The following MBNL1 variants were observed in gnomAD, a reference collection of about 807,000 sequenced individuals.
The protein encoded by MBNL1 is muscleblind like splicing regulator 1.
In MBNL1, 8 loss-of-function variants were observed where a neutral mutation model predicts 42.2. The ratio of observed to expected loss-of-function variants is 0.19; its 90% confidence interval spans 0.11 to 0.34. The LOEUF (loss-of-function observed/expected upper bound fraction) is 0.34. Among genes scored for constraint, MBNL1 ranks in the 10% least tolerant of loss-of-function variants. The pLI is 1.00. For synonymous variants in MBNL1, 169 were observed against 173.9 expected (o/e 0.97, Z 0.22); for missense variants, 309 against 495.3 (o/e 0.62, Z 3.57).
chr3:152,429,722 A>G (rs937805200), intron 3 of MBNL1, among the ~76,000 whole-genome samples: 4 of 152,154 alleles, frequency 2.6e-5, no homozygotes, highest in Admixed American at 6.5e-5. Flanking sequence ...CGCTCCTTGA[A>G]AAAACAATAT....
chr3:152,383,283 A>T (rs190305793), intron 2 of MBNL1, among the ~76,000 whole-genome samples: 12 of 152,222 alleles, frequency 7.9e-5, no homozygotes, highest in Admixed American at 7.2e-4. Flanking sequence ...CACCAAACCC[A>T]TGAGGAGTCT....
At chr3:152,457,374 T>C (rs1368024422) in intron 8 of MBNL1, among the ~76,000 whole-genome samples, 1 of 152,124 alleles carries the variant, frequency 6.6e-6, no homozygotes, top group African/African-American at 2.4e-5. Flanking sequence ...CAGATGAAAA[T>C]GAACATGTTC....
chr3:152,349,728 A>G (rs1201158772), intron 2 of MBNL1, among the ~76,000 whole-genome samples: 1 of 151,690 alleles, frequency 6.6e-6, no homozygotes, highest in Admixed American at 6.6e-5. Context: ...GCTTTCAAAA[A>G]AGTATTAAAA....
upstream of MBNL1, chr3:152,266,773 C>T (rs2037300118): frequency 6.6e-6 from 1 of 152,200 alleles, no homozygotes; most frequent in Admixed American, 6.5e-5. Flanking sequence ...TCTCCCAAGG[C>T]TCCTCCCTTC....
At chr3:152,343,216 G>A (rs1401990165) in intron 2 of MBNL1, among the ~76,000 whole-genome samples, 1 of 152,112 alleles carries the variant, frequency 6.6e-6, no homozygotes, top group African/African-American at 2.4e-5. Context: ...ACCAGATGGT[G>A]GAAATAACCC....
At position 152,302,854 on chromosome 3, in the gene MBNL1, G is replaced by A. The variant is rs954390599; in HGVS notation, c.174+2487G>A. Among the ~76,000 whole-genome samples the A allele has an allele frequency of 2.0e-5, 3 of 152,078 alleles. No individual in the cohort carries two copies. The South Asian group carries it at 6.2e-4, about 31-fold the overall frequency. On this transcript the variant is annotated intron_variant, in intron 2 of 9. Coordinates refer to ENST00000324210, the MANE Select transcript of MBNL1 (RefSeq NM_021038.5). ...TTGAGCCATGAGATGGAGGTGGCCT[G>A]TGTAATCTACTATTTTTAGAAAGTT...
chr3:152,362,413 A>G (rs2096043381), intron 2 of MBNL1, among the ~76,000 whole-genome samples: 1 of 152,194 alleles, frequency 6.6e-6, no homozygotes, highest in Non-Finnish European at 1.5e-5. Context: ...TTAGTTTAAC[A>G]CTTTGTTTTA....
At chr3:152,428,638 A>G (rs954932312) in intron 3 of MBNL1, among the ~76,000 whole-genome samples, 11 of 152,224 alleles carry the variant, frequency 7.2e-5, no homozygotes, top group East Asian at 3.8e-4. Context: ...AAATGTACCT[A>G]TATCTGTAGA....
intron 3 of MBNL1, among the ~76,000 whole-genome samples, chr3:152,419,636 CAAA>C (rs1580060876): frequency 1.3e-5 from 2 of 152,178 alleles, no homozygotes; most frequent in East Asian, 3.9e-4. Flanking sequence ...CTTTCAGGCA[CAAA>C]ACTGGGCGGC....
chr3:152,380,959 TA>T (rs2097155768), intron 2 of MBNL1, among the ~76,000 whole-genome samples: 1 of 152,068 alleles, frequency 6.6e-6, no homozygotes, highest in Non-Finnish European at 1.5e-5. Context: ...TATACCTTAA[TA>T]TTTGAGAAAC....
chr3:152,280,592 C>T (rs1485151122), intron 1 of MBNL1, among the ~76,000 whole-genome samples: 3 of 152,106 alleles, frequency 2.0e-5, no homozygotes, highest in East Asian at 1.9e-4. Context: ...CTCAGGTTAA[C>T]GTTTATGTTA....
chr3:152,347,950 A>G (rs1553219), intron 2 of MBNL1, among the ~76,000 whole-genome samples: 25,171 of 152,106 alleles, frequency 0.17, 2,287 homozygotes, highest in East Asian at 0.26. Context: ...AAAATTGAAA[A>G]TGTAATTATT....
chr3:152,365,258 A>G (rs1355861446), intron 2 of MBNL1, among the ~76,000 whole-genome samples: 1 of 149,364 alleles, frequency 6.7e-6, no homozygotes, highest in African/African-American at 2.4e-5. Context: ...GGCCTAAACA[A>G]TTTTCTGATT....
At position 152,450,331 on chromosome 3, in the gene MBNL1, T is replaced by C. The variant is rs527642653; in HGVS notation, c.961+2558T>C. 7.2e-5 allele frequency among the ~76,000 whole-genome samples: 11 copies of C among 152,298 alleles called. No individual in the cohort carries two copies. The East Asian group carries it at 2.1e-3, about 29-fold the overall frequency. On this transcript the variant is annotated intron_variant, in intron 6 of 9. Transcript: ENST00000324210. ...TGATTATTTTAAAATATTTTCATTA[T>C]ATAATATATACCTGCATTCACAAAA...
chr3:152,319,721 G>T (rs984321196), intron 2 of MBNL1, among the ~76,000 whole-genome samples: 3 of 141,268 alleles, frequency 2.1e-5, no homozygotes, highest in African/African-American at 7.8e-5. Flanking sequence ...TGACATGGAA[G>T]ACAATTAAAA....
chr3:152,292,957 T>C (rs1021549444), intron 1 of MBNL1, among the ~76,000 whole-genome samples: 2 of 151,982 alleles, frequency 1.3e-5, no homozygotes, highest in South Asian at 4.2e-4. Context: ...TTTGTAGATA[T>C]AGGGTCCTAC....
At chr3:152,400,623 A>G (rs2098174064) in intron 2 of MBNL1, among the ~76,000 whole-genome samples, 1 of 152,124 alleles carries the variant, frequency 6.6e-6, no homozygotes. Context: ...TTTGTGAACA[A>G]GTTGTTTAGA....
At chr3:152,433,488 C>T (rs1489396110) in intron 4 of MBNL1, among the ~76,000 whole-genome samples, 1 of 152,148 alleles carries the variant, frequency 6.6e-6, no homozygotes, top group Non-Finnish European at 1.5e-5. Context: ...CGGTGGCTCA[C>T]ACCTGTAATC....
intron 2 of MBNL1, among the ~76,000 whole-genome samples, chr3:152,313,440 T>C (rs1178500453): frequency 6.6e-6 from 1 of 152,222 alleles, no homozygotes; most frequent in Non-Finnish European, 1.5e-5. Flanking sequence ...CCAATCACTT[T>C]ACTGTCCCAA....
Sources: gnomAD v4.1 joint callset for allele counts (sites outside exome capture counted in the v4.1 genomes callset) on GRCh38, gnomAD v4.1.1 for gene constraint, MANE v1.5 for transcripts, NCBI Gene and HGNC (gene_info 2026-07-23, HGNC 2026-07-21) for gene names.